LMX1A: variants seen among roughly 807,000 people sequenced by gnomAD.
LMX1A encodes LIM homeobox transcription factor 1-alpha.
Under a neutral mutation model 49.1 loss-of-function variants are expected in LMX1A, and 15 were observed. The ratio of observed to expected loss-of-function variants is 0.31; its 90% CI spans 0.20 to 0.47. The LOEUF (loss-of-function observed/expected upper bound fraction) is 0.47. Ranked by LOEUF, LMX1A falls within the 20% of genes least tolerant of loss-of-function variation. LMX1A has a pLI of 1.00. For missense variants in LMX1A, 372 were observed against 475.8 expected (o/e 0.78, Z 2.03); for synonymous variants, 167 against 185.7 (o/e 0.90, Z 0.82).
At chr1:165,265,007 T>C (rs1653574423) in intron 3 of LMX1A, among the ~76,000 whole-genome samples, 1 of 151,798 alleles carries the variant, frequency 6.6e-6, no homozygotes. Context: ...ATCAAGACCA[T>C]CCTGGCTAAT....
intron 4 of LMX1A, among the ~76,000 whole-genome samples, chr1:165,235,697 T>C (rs1652408082): frequency 6.6e-6 from 1 of 151,768 alleles, no homozygotes; most frequent in Non-Finnish European, 1.5e-5. Flanking sequence ...GGGGCTTTGC[T>C]CCGCGGGAAT....
At chr1:165,285,045 T>C (rs888750094) in intron 3 of LMX1A, among the ~76,000 whole-genome samples, 1 of 152,370 alleles carries the variant, frequency 6.6e-6, no homozygotes, top group Non-Finnish European at 1.5e-5. Context: ...TGTCAATTTA[T>C]ACCTTAGCCA....
chr1:165,301,010 T>C (rs1654758971), intron 3 of LMX1A, among the ~76,000 whole-genome samples: 1 of 152,196 alleles, frequency 6.6e-6, no homozygotes, highest in African/African-American at 2.4e-5. Context: ...CCCAGATATC[T>C]GCTTTCCTTA....
chr1:165,259,625 C>T (rs756018691), intron 3 of LMX1A, among the ~76,000 whole-genome samples: 13 of 152,074 alleles, frequency 8.5e-5, no homozygotes, highest in Non-Finnish European at 1.2e-4. Flanking sequence ...CCTCTCTCCT[C>T]ATATTACAAA....
intron 4 of LMX1A, among the ~76,000 whole-genome samples, chr1:165,246,981 G>C (rs960101554): frequency 1.5e-5 from 2 of 137,770 alleles, no homozygotes; most frequent in Non-Finnish European, 1.6e-5. Context: ...AAGTGAACCT[G>C]TTGCAGTTCC....
chr1:165,338,810 C>T (rs1366763489), intron 3 of LMX1A, among the ~76,000 whole-genome samples: 1 of 152,192 alleles, frequency 6.6e-6, no homozygotes, highest in Non-Finnish European at 1.5e-5. Flanking sequence ...TTGGTAGCAC[C>T]AAGTTCAGTT....
intron 3 of LMX1A, among the ~76,000 whole-genome samples, chr1:165,269,033 G>A (rs914531441): frequency 6.6e-6 from 1 of 152,150 alleles, no homozygotes; most frequent in African/African-American, 2.4e-5. Flanking sequence ...CCCTGGCTAA[G>A]CCTCCAAAGG....
At chr1:165,212,507 T>G (rs1489731861) in intron 5 of LMX1A, among the ~76,000 whole-genome samples, 2 of 63,798 alleles carry the variant, frequency 3.1e-5, no homozygotes, top group African/African-American at 6.0e-5. Flanking sequence ...CCATGGTGAC[T>G]TTTTGTTTGT....
chr1:165,350,538 A>T (rs113233803), intron 3 of LMX1A, among the ~76,000 whole-genome samples: 1 of 149,836 alleles, frequency 6.7e-6, no homozygotes, highest in Non-Finnish European at 1.5e-5. Context: ...TCCTGAGCCT[A>T]TTTTTTTTTT....
chr1:165,287,127 T>C (rs1003785536), intron 3 of LMX1A, among the ~76,000 whole-genome samples: 1 of 152,204 alleles, frequency 6.6e-6, no homozygotes, highest in Non-Finnish European at 1.5e-5. Flanking sequence ...ACTACCTAAT[T>C]ATCTGCACTG....
rs540834608 is a variant in LMX1A at position 165,270,950 on chromosome 1, A to G, written c.264-21310T>C. 3.3e-5 allele frequency among the ~76,000 whole-genome samples: 5 copies of G among 152,292 alleles called. No individual in the cohort carries two copies. In the South Asian group the frequency reaches 8.3e-4, roughly 25 times the overall value. Reference sequence around the variant, plus strand: ...CTTCCAACAGTGGAGCCTCACCACAACAGATAACTGCTGGCTACCTTCCCA... The same window carrying G: ...CTTCCAACAGTGGAGCCTCACCACAGCAGATAACTGCTGGCTACCTTCCCA... On this transcript the variant is annotated intron_variant, in intron 3 of 8. Coordinates refer to ENST00000342310, the MANE Select transcript of LMX1A (RefSeq NM_177398.4).
intron 3 of LMX1A, among the ~76,000 whole-genome samples, chr1:165,352,720 G>C (rs1656469255): frequency 6.6e-6 from 1 of 152,242 alleles, no homozygotes; most frequent in South Asian, 2.1e-4. Flanking sequence ...GGGCACCCCG[G>C]TAAAAGAGGG....
At chr1:165,208,942 C>T (rs1182099393) in intron 6 of LMX1A, among the ~76,000 whole-genome samples, 1 of 152,170 alleles carries the variant, frequency 6.6e-6, no homozygotes, top group Non-Finnish European at 1.5e-5. Context: ...CCACCACGCC[C>T]GGCCCCCTGA....
At chr1:165,308,227 C>T (rs75955445) in intron 3 of LMX1A, among the ~76,000 whole-genome samples, 7,186 of 152,230 alleles carry the variant, frequency 0.047, 577 homozygotes, top group African/African-American at 0.17. Flanking sequence ...ACTCGCTGGA[C>T]ACCAAGGAAC....
chr1:165,203,818 G>T lies in LMX1A; in HGVS notation c.*62C>A. ...CTGGCCTCCCTGTCCTAAAGCCAGT[G>T]ACCCCTCAAAGAATATGGTTGTTCC... On this transcript the variant is annotated 3_prime_UTR_variant, in exon 9 of 9. Coordinates refer to ENST00000342310, the MANE Select transcript of LMX1A (RefSeq NM_177398.4). The T allele has an allele frequency of 1.9e-6, 3 of 1,547,032 alleles. No homozygotes were observed. The highest frequency in any genetic ancestry group is 2.3e-5 in the South Asian group (2 of 87,566).
At chr1:165,221,236 CA>C (rs1651830831) in intron 4 of LMX1A, among the ~76,000 whole-genome samples, 1 of 152,000 alleles carries the variant, frequency 6.6e-6, no homozygotes, top group African/African-American at 2.4e-5. Flanking sequence ...CTGCAGGCAG[CA>C]TTATTGTTAT....
At chr1:165,270,303 C>T (rs1017569885) in intron 3 of LMX1A, among the ~76,000 whole-genome samples, 2 of 152,072 alleles carry the variant, frequency 1.3e-5, no homozygotes, top group Admixed American at 1.3e-4. Flanking sequence ...ACTCATACCC[C>T]CCATAAAATC....
Position 165,347,949 on chromosome 1 carries a change from G to C in LMX1A, c.263+5127C>G, listed in dbSNP as rs1440264523. On this transcript the variant is annotated intron_variant, in intron 3 of 8. Coordinates refer to ENST00000342310, the MANE Select transcript of LMX1A (RefSeq NM_177398.4). ...TGTTGTCATTAGAGAAACAGCTCCT[G>C]CTCACTCTCTCCAAAAACCTTCCCA... Among the ~76,000 whole-genome samples, 4 of 127,308 alleles carry C rather than the reference G, an allele frequency of 3.1e-5. No individual in the cohort carries two copies. The East Asian group carries it at 1.0e-3, about 32-fold the overall frequency. 83.5% of individuals were successfully genotyped at this position (127,308 alleles called of 152,430 possible).
At chr1:165,267,607 C>T (rs1571190695) in intron 3 of LMX1A, among the ~76,000 whole-genome samples, 1 of 151,998 alleles carries the variant, frequency 6.6e-6, no homozygotes, top group South Asian at 2.1e-4. Flanking sequence ...AGGATAAGAA[C>T]AGAAGGAAGA....
Sources: allele counts gnomAD v4.1 joint callset (sites outside exome capture counted in the v4.1 genomes callset), GRCh38; gene constraint gnomAD v4.1.1; transcripts MANE v1.5; gene names NCBI Gene and HGNC (gene_info 2026-07-23, HGNC 2026-07-21).